MAGI2: variants seen among roughly 807,000 people sequenced by gnomAD.
MAGI2 encodes membrane-associated guanylate kinase, WW and PDZ domain-containing protein 2.
MAGI2 carries 35 observed loss-of-function variants against 133.3 expected under a neutral mutation model. That is an observed-to-expected ratio of 0.26 (90% CI 0.20 to 0.35). MAGI2 has a LOEUF of 0.35. Among genes scored for constraint, MAGI2 ranks in the 10% least tolerant of loss-of-function variants. The pLI is 1.00. For synonymous variants in MAGI2, 729 were observed against 710.6 expected (o/e 1.03, Z -0.41); for missense variants, 1,636 against 1,863.4 (o/e 0.88, Z 2.25).
At chr7:79,087,975 G>T (rs1161580522) in intron 1 of MAGI2, among the ~76,000 whole-genome samples, 1 of 151,910 alleles carries the variant, frequency 6.6e-6, no homozygotes, top group East Asian at 1.9e-4. Flanking sequence ...TTTTTACTAT[G>T]CAGCCTTATT....
chr7:78,392,408 A>G (rs568424975), intron 6 of MAGI2, among the ~76,000 whole-genome samples: 3 of 152,284 alleles, frequency 2.0e-5, no homozygotes, highest in African/African-American at 7.2e-5. Flanking sequence ...GAGAATGGGC[A>G]AAAGTGGTGT....
intron 6 of MAGI2, among the ~76,000 whole-genome samples, chr7:78,441,352 T>G (rs1409037728): frequency 6.6e-6 from 1 of 152,140 alleles, no homozygotes; most frequent in Non-Finnish European, 1.5e-5. Context: ...TTTATAGAAA[T>G]TTGTGGGGTA....
At chr7:78,918,495 T>C (rs1365021612) in intron 2 of MAGI2, among the ~76,000 whole-genome samples, 2 of 152,156 alleles carry the variant, frequency 1.3e-5, no homozygotes, top group African/African-American at 4.8e-5. Context: ...ATCCCCAATA[T>C]GATATTGTGC....
intron 9 of MAGI2, among the ~76,000 whole-genome samples, chr7:78,299,600 GTT>G (rs1797650182): frequency 6.6e-6 from 1 of 152,186 alleles, no homozygotes; most frequent in Admixed American, 6.5e-5. Flanking sequence ...CCACTATTCT[GTT>G]TTCCAACTTT....
intron 2 of MAGI2, among the ~76,000 whole-genome samples, chr7:79,002,505 C>T (rs1409184323): frequency 6.6e-6 from 1 of 151,806 alleles, no homozygotes; most frequent in Non-Finnish European, 1.5e-5. Flanking sequence ...CATTATGTGC[C>T]CAACAATTCT....
At chr7:79,167,224 G>C (rs111290518) in intron 1 of MAGI2, among the ~76,000 whole-genome samples, 1 of 150,924 alleles carries the variant, frequency 6.6e-6, no homozygotes, top group Non-Finnish European at 1.5e-5. Context: ...ATCCTTTTTC[G>C]CCTCCTTTTG....
intron 2 of MAGI2, among the ~76,000 whole-genome samples, chr7:78,662,401 C>T (rs1813061186): frequency 6.6e-6 from 1 of 152,004 alleles, no homozygotes; most frequent in South Asian, 2.1e-4. Context: ...CTTTAGTTAC[C>T]AACAATCGAA....
chr7:78,909,623 A>G (rs1471716464), intron 2 of MAGI2, among the ~76,000 whole-genome samples: 1 of 150,866 alleles, frequency 6.6e-6, no homozygotes, highest in Non-Finnish European at 1.5e-5. Flanking sequence ...AAAAAAAAAA[A>G]AAAGTCAAGA....
Position 78,019,146 on chromosome 7 carries a change from G to A in MAGI2, c.*169C>T, listed in dbSNP as rs1031365691. On this transcript the variant is annotated 3_prime_UTR_variant, in exon 22 of 22. Coordinates refer to ENST00000354212, the MANE Select transcript of MAGI2 (RefSeq NM_012301.4). ...TCAGTTTAGGTCTGCGCGTTGATGC[G>A]ATGCCGCCCAAGCACACCGGACACG... 4.0e-6 allele frequency: 3 copies of A among 757,094 alleles called. No homozygotes were observed. Among genetic ancestry groups the A allele is most frequent in the African/African-American group, 3.7e-5 (2 of 54,526 alleles). The allele number at this position is 757,094 out of a possible 1,614,324, so 46.9% of individuals were successfully genotyped here.
rs529459645 is a variant in MAGI2, at chr7:78,222,601, ATTGT to A, written c.2048-21412_2048-21409del. Among the ~76,000 whole-genome samples, 389 of 152,288 alleles carry A rather than the reference ATTGT, an allele frequency of 2.6e-3. 1 individual carries two copies. Among genetic ancestry groups the A allele is most frequent in the African/African-American group, 8.8e-3 (367 of 41,548 alleles). ...ACTTTTGAACCTAAGGTTCTTAATC[ATTGT>A]TTGTTTTACTGCCCCCAAACACAGT... is the stretch of plus-strand genomic sequence containing the variant. On this transcript the variant is annotated intron_variant, in intron 10 of 21. Coordinates refer to ENST00000354212, the MANE Select transcript of MAGI2 (RefSeq NM_012301.4).
chr7:78,392,133 G>A (rs1008799973), intron 6 of MAGI2, among the ~76,000 whole-genome samples: 3 of 152,170 alleles, frequency 2.0e-5, no homozygotes, highest in Non-Finnish European at 4.4e-5. Flanking sequence ...CATCTACTTG[G>A]AGACGTAAAA....
chr7:79,212,552 A>G (rs1279731541), intron 1 of MAGI2, among the ~76,000 whole-genome samples: 3 of 152,076 alleles, frequency 2.0e-5, no homozygotes, highest in African/African-American at 7.3e-5. Context: ...ATAGAAAAAA[A>G]GAAAGCAATA....
intron 1 of MAGI2, among the ~76,000 whole-genome samples, chr7:79,195,842 T>G (rs969854964): frequency 1.3e-5 from 2 of 151,986 alleles, no homozygotes; most frequent in African/African-American, 4.8e-5. Context: ...GGACATTATG[T>G]CAAGTGAAAT....
At chr7:79,102,832 A>G (rs1267001735) in intron 1 of MAGI2, among the ~76,000 whole-genome samples, 2 of 152,174 alleles carry the variant, frequency 1.3e-5, no homozygotes, top group African/African-American at 2.4e-5. Flanking sequence ...TCAAATACTA[A>G]TCTAGGTGTT....
At chr7:79,049,139 G>A (rs1584788118) in intron 1 of MAGI2, among the ~76,000 whole-genome samples, 1 of 151,794 alleles carries the variant, frequency 6.6e-6, no homozygotes, top group South Asian at 2.1e-4. Flanking sequence ...CATCCACAAA[G>A]GAAAAAATGA....
At chr7:79,301,566 T>C (rs1056295124) in intron 1 of MAGI2, among the ~76,000 whole-genome samples, 3 of 152,192 alleles carry the variant, frequency 2.0e-5, no homozygotes, top group African/African-American at 7.2e-5. Context: ...TGTTTTTGAT[T>C]TTACAGGCTC....
At position 79,294,249 on chromosome 7, in the gene MAGI2, T is replaced by C. The variant is rs192682152; in HGVS notation, c.301+158771A>G. On this transcript the variant is annotated intron_variant, in intron 1 of 21. Coordinates refer to ENST00000354212, the MANE Select transcript of MAGI2 (RefSeq NM_012301.4). ...TGGTGATGTTGTAGGACTTTCTCCT[T>C]TCTCCTCAATTCAGCTAAAAACCAT... 3.1e-3 allele frequency among the ~76,000 whole-genome samples: 470 copies of C among 152,098 alleles called. 4 individuals carry two copies. The highest frequency in any genetic ancestry group is 0.013 in the Admixed American group (195 of 15,266).
intron 9 of MAGI2, among the ~76,000 whole-genome samples, chr7:78,340,456 T>A (rs1228516562): frequency 6.6e-6 from 1 of 152,234 alleles, no homozygotes; most frequent in African/African-American, 2.4e-5. Context: ...ACTCATTTTA[T>A]GATGCCAGCA....
intron 1 of MAGI2, among the ~76,000 whole-genome samples, chr7:79,141,409 G>T (rs775312801): frequency 2.0e-4 from 30 of 152,218 alleles, no homozygotes; most frequent in Non-Finnish European, 3.4e-4. Context: ...ATTTCAACTT[G>T]TCTAAATCCT....
Sources: allele counts gnomAD v4.1 joint callset (sites outside exome capture counted in the v4.1 genomes callset), GRCh38; gene constraint gnomAD v4.1.1; transcripts MANE v1.5; gene names NCBI Gene and HGNC (gene_info 2026-07-23, HGNC 2026-07-21).